Variants in CNTN3 observed in about 807,000 individuals in gnomAD.
CNTN3 encodes the protein contactin-3.
In CNTN3, 60 loss-of-function variants were observed where a neutral mutation model predicts 119.1. The observed-to-expected ratio is 0.50, with a 90% CI of 0.41 to 0.62. The LOEUF (loss-of-function observed/expected upper bound fraction) is 0.62, where lower values mean the gene tolerates loss of function less well. Ranked by LOEUF, CNTN3 falls within the 20% of genes least tolerant of loss-of-function variation. CNTN3 has a pLI of 0.00. For synonymous variants in CNTN3, 450 were observed against 438.7 expected (o/e 1.03, Z -0.32); for missense variants, 1,101 against 1,242.4 (o/e 0.89, Z 1.71).
At chr3:74,319,558 A>G (rs1393040212) in intron 13 of CNTN3, among the ~76,000 whole-genome samples, 1 of 152,154 alleles carries the variant, frequency 6.6e-6, no homozygotes, top group African/African-American at 2.4e-5. Flanking sequence ...AAAACCATAA[A>G]AACCCTAGAA....
At chr3:74,268,745 A>C (rs573030382) in intron 20 of CNTN3, among the ~76,000 whole-genome samples, 1 of 152,264 alleles carries the variant, frequency 6.6e-6, no homozygotes, top group East Asian at 1.9e-4. Context: ...AAATAATATG[A>C]ATGTACAATT....
intron 1 of CNTN3, among the ~76,000 whole-genome samples, chr3:74,571,631 T>C (rs1043514253): frequency 6.6e-6 from 1 of 152,144 alleles, no homozygotes; most frequent in Non-Finnish European, 1.5e-5. Flanking sequence ...GTAGTTATTA[T>C]TCAGAAATAA....
chr3:74,553,543 C>T (rs988278732), intron 1 of CNTN3, among the ~76,000 whole-genome samples: 1 of 152,192 alleles, frequency 6.6e-6, no homozygotes, highest in Admixed American at 6.5e-5. Flanking sequence ...CTAATTTACA[C>T]TCCCACCAAC....
intron 1 of CNTN3, among the ~76,000 whole-genome samples, chr3:74,569,657 T>A (rs969534402): frequency 6.6e-6 from 1 of 152,182 alleles, no homozygotes; most frequent in Non-Finnish European, 1.5e-5. Flanking sequence ...GATTTTCTAT[T>A]GCTGCATAAC....
chr3:74,330,472 C>T (rs1703237413), intron 13 of CNTN3, among the ~76,000 whole-genome samples: 1 of 152,082 alleles, frequency 6.6e-6, no homozygotes, highest in Admixed American at 6.5e-5. Context: ...TACTGTGCTG[C>T]CTGTCATATA....
Position 74,433,688 on chromosome 3 carries a change from C to A in CNTN3, c.359-8748G>T, listed in dbSNP as rs144154252. ...TCAACTCCCAGCCACATACACTAAG[C>A]AACAACAAACTTTTCCTTTTCCCCA... On this transcript the variant is annotated intron_variant, in intron 4 of 22. Coordinates refer to ENST00000263665, the MANE Select transcript of CNTN3 (RefSeq NM_020872.3). Among the ~76,000 whole-genome samples the A allele has an allele frequency of 3.4e-3, 522 of 152,220 alleles. 1 individual carries two copies. Among genetic ancestry groups the A allele is most frequent in the African/African-American group, 0.011 (469 of 41,542 alleles).
At chr3:74,441,862 TGACAA>T (rs1701972034) in intron 4 of CNTN3, among the ~76,000 whole-genome samples, 1 of 152,150 alleles carries the variant, frequency 6.6e-6, no homozygotes, top group African/African-American at 2.4e-5. Flanking sequence ...TTAGCTAACA[TGACAA>T]ATTAGGTTAC....
intron 5 of CNTN3, among the ~76,000 whole-genome samples, chr3:74,376,372 C>T (rs931504810): frequency 1.1e-4 from 17 of 152,154 alleles, no homozygotes; most frequent in Admixed American, 8.5e-4. Flanking sequence ...CCATTGCTCA[C>T]GTTACCTCCT....
intron 4 of CNTN3, among the ~76,000 whole-genome samples, chr3:74,444,944 C>T (rs1010718380): frequency 2.0e-5 from 3 of 152,110 alleles, no homozygotes; most frequent in Admixed American, 1.3e-4. Context: ...CCCCACAATG[C>T]CACACATCCT....
intron 13 of CNTN3, among the ~76,000 whole-genome samples, chr3:74,330,355 C>CA (rs781502877): frequency 0.014 from 1,602 of 114,922 alleles, 16 homozygotes; most frequent in African/African-American, 0.042. Context: ...GACCCTGTCT[C>CA]AAAAAAAAAA....
chr3:74,332,716 A>C (rs1376012047), intron 13 of CNTN3, among the ~76,000 whole-genome samples: 2 of 152,218 alleles, frequency 1.3e-5, no homozygotes, highest in Non-Finnish European at 2.9e-5. Context: ...ACCGTATTGG[A>C]TAAACTATTA....
chr3:74,587,919 T>C (rs199722234), intron 1 of CNTN3, among the ~76,000 whole-genome samples: 16 of 152,062 alleles, frequency 1.1e-4, no homozygotes, highest in Admixed American at 1.0e-3. Context: ...CAGTATGACA[T>C]TGGCTGTGGG....
intron 1 of CNTN3, among the ~76,000 whole-genome samples, chr3:74,528,013 C>T (rs1315630758): frequency 1.3e-5 from 2 of 151,758 alleles, no homozygotes; most frequent in African/African-American, 4.8e-5. Flanking sequence ...AACCTTTACA[C>T]ATAAAAGGAA....
intron 1 of CNTN3, among the ~76,000 whole-genome samples, chr3:74,600,104 A>T (rs1410082260): frequency 1.3e-5 from 2 of 152,142 alleles, no homozygotes; most frequent in East Asian, 3.9e-4. Flanking sequence ...GGAAAAATGA[A>T]TTAATCATAT....
intron 18 of CNTN3, among the ~76,000 whole-genome samples, chr3:74,297,204 T>G (rs905250622): frequency 1.3e-5 from 2 of 152,176 alleles, no homozygotes; most frequent in African/African-American, 4.8e-5. Context: ...AGGACTAGGG[T>G]AGCTCCAAGG....
chr3:74,571,973 T>C (rs1311148584), intron 1 of CNTN3, among the ~76,000 whole-genome samples: 1 of 152,188 alleles, frequency 6.6e-6, no homozygotes, highest in Non-Finnish European at 1.5e-5. Context: ...CATAATGACC[T>C]CTGTCTTAAC....
intron 11 of CNTN3, 137 bp downstream of exon 11, chr3:74,361,753 A>T: frequency 1.2e-6 from 1 of 843,148 alleles, no homozygotes; most frequent in Non-Finnish European, 1.7e-6. Flanking sequence ...GAACAAAAAT[A>T]CTACTATTTT....
At chr3:74,606,084 G>C (rs894386016) in intron 1 of CNTN3, among the ~76,000 whole-genome samples, 1 of 151,858 alleles carries the variant, frequency 6.6e-6, no homozygotes, top group Non-Finnish European at 1.5e-5. Context: ...TTCCACTAGA[G>C]ACCATTGAAA....
intron 4 of CNTN3, among the ~76,000 whole-genome samples, chr3:74,469,268 C>T (rs1702517605): frequency 6.6e-6 from 1 of 152,088 alleles, no homozygotes; most frequent in Non-Finnish European, 1.5e-5. Flanking sequence ...TCCGTCCACG[C>T]TAAGCCACTG....
Sources: allele counts gnomAD v4.1 joint callset (sites outside exome capture counted in the v4.1 genomes callset), GRCh38; gene constraint gnomAD v4.1.1; transcripts MANE v1.5; gene names NCBI Gene and HGNC (gene_info 2026-07-23, HGNC 2026-07-21).